MEGF11: variants seen among roughly 807,000 people sequenced by gnomAD.
MEGF11 encodes multiple EGF like domains 11.
In MEGF11, 126 loss-of-function variants were observed where a neutral mutation model predicts 146.6. The observed-to-expected ratio is 0.86, with a 90% confidence interval of 0.74 to 1.00. MEGF11 has a LOEUF of 1.00. Among genes scored for constraint, MEGF11 ranks in the 50% least tolerant of loss-of-function variants. The pLI is 0.00. For synonymous variants in MEGF11, 532 were observed against 583.4 expected (o/e 0.91, Z 1.27); for missense variants, 1,509 against 1,521.2 (o/e 0.99, Z 0.13).
intron 3 of MEGF11, among the ~76,000 whole-genome samples, chr15:66,123,063 G>A (rs1324089708): frequency 1.3e-5 from 2 of 152,180 alleles, no homozygotes; most frequent in African/African-American, 4.8e-5. Flanking sequence ...GATTTCAGGC[G>A]TGAGCCACCG....
chr15:65,906,862 C>G (rs2078645110), intron 23 of MEGF11, among the ~76,000 whole-genome samples: 1 of 152,224 alleles, frequency 6.6e-6, no homozygotes, highest in Non-Finnish European at 1.5e-5. Flanking sequence ...CCAAGGATTT[C>G]TTTCTACCTT....
chr15:66,021,931 AGAGCTG>A (rs2083149847), intron 5 of MEGF11, among the ~76,000 whole-genome samples: 1 of 152,208 alleles, frequency 6.6e-6, no homozygotes, highest in Admixed American at 6.5e-5. Flanking sequence ...ACTTGCGGCT[AGAGCTG>A]GGGGACAGGG....
chr15:65,983,553 A>T (rs2081738406), intron 5 of MEGF11, among the ~76,000 whole-genome samples: 1 of 152,224 alleles, frequency 6.6e-6, no homozygotes, highest in Admixed American at 6.5e-5. Flanking sequence ...GATTGCTCCC[A>T]GCTAAGGAGA....
At chr15:65,947,325 C>T (rs1228088586) in intron 10 of MEGF11, among the ~76,000 whole-genome samples, 2 of 152,098 alleles carry the variant, frequency 1.3e-5, no homozygotes, top group Admixed American at 6.5e-5. Context: ...CTAGCAGGAG[C>T]TTTCTTTGTT....
At chr15:65,986,793 CTTTTTTT>C (rs34991788) in intron 5 of MEGF11, among the ~76,000 whole-genome samples, 38 of 121,340 alleles carry the variant, frequency 3.1e-4, no homozygotes, top group Non-Finnish European at 3.7e-4. Flanking sequence ...CTGATTTTTC[CTTTTTTT>C]TTTTTTTTTT....
chr15:65,993,591 C>T (rs572718922), intron 5 of MEGF11, among the ~76,000 whole-genome samples: 20 of 152,328 alleles, frequency 1.3e-4, no homozygotes, highest in East Asian at 7.7e-4. Flanking sequence ...GCACCCTCCC[C>T]GACGTGGCCC....
intron 1 of MEGF11, among the ~76,000 whole-genome samples, chr15:66,252,602 C>T (rs1036868946): frequency 2.0e-5 from 3 of 152,196 alleles, no homozygotes; most frequent in African/African-American, 4.8e-5. Context: ...GCTCTGGGCA[C>T]CGCCACGCCG....
intron 13 of MEGF11, among the ~76,000 whole-genome samples, chr15:65,924,351 G>A (rs1278974137): frequency 6.7e-6 from 1 of 149,302 alleles, no homozygotes; most frequent in Non-Finnish European, 1.5e-5. Flanking sequence ...AAATGGTTGC[G>A]GGTGGGTAGG....
intron 13 of MEGF11, among the ~76,000 whole-genome samples, chr15:65,927,031 G>A (rs1184795525): frequency 6.6e-6 from 1 of 152,176 alleles, no homozygotes; most frequent in Non-Finnish European, 1.5e-5. Flanking sequence ...GCAACCTGGT[G>A]TTAATTATTT....
chr15:66,141,899 C>T (rs769638499), intron 1 of MEGF11, among the ~76,000 whole-genome samples: 1 of 152,056 alleles, frequency 6.6e-6, no homozygotes, highest in Non-Finnish European at 1.5e-5. Flanking sequence ...TGGGGATAGG[C>T]CTCAAAAGGG....
intron 7 of MEGF11, among the ~76,000 whole-genome samples, chr15:65,974,788 T>A (rs1567184710): frequency 6.6e-6 from 1 of 152,194 alleles, no homozygotes; most frequent in Non-Finnish European, 1.5e-5. Context: ...GAAGTCTTTC[T>A]GGCTTCTATC....
chr15:66,097,752 C>CA (rs59635353), intron 4 of MEGF11, among the ~76,000 whole-genome samples: 25,418 of 138,662 alleles, frequency 0.18, 2,386 homozygotes, highest in East Asian at 0.3. Context: ...CAAAAAACTA[C>CA]AAAAAAAAAA....
intron 19 of MEGF11, among the ~76,000 whole-genome samples, chr15:65,914,615 G>A (rs2141210478): frequency 6.6e-6 from 1 of 152,290 alleles, no homozygotes; most frequent in Admixed American, 6.5e-5. Flanking sequence ...CTTAGTCTAG[G>A]AGGCTGTCCT....
chr15:65,906,074 G>A lies in MEGF11; in HGVS notation c.3055+11C>T. The A allele has an allele frequency of 1.2e-6, 2 of 1,604,544 alleles. No individual in the cohort carries two copies. The highest frequency in any genetic ancestry group is 2.2e-5 in the South Asian group (2 of 89,484). ...CCCTCTGTAATAAGACAGCAGGATT[G>A]GATACTCTACCTTTGAAGCCTTTGT... On this transcript the variant is annotated intron_variant, in intron 24 of 25. Coordinates refer to ENST00000395614, the MANE Select transcript of MEGF11 (RefSeq NM_001385028.1).
rs557974813 is a variant in MEGF11 at position 66,201,989 on chromosome 15, C to A, written c.-9+51616G>T. 3.3e-4 allele frequency among the ~76,000 whole-genome samples: 49 copies of A among 148,428 alleles called. 1 individual carries two copies. The highest frequency in any genetic ancestry group is 1.1e-3 in the African/African-American group (42 of 39,868). ...AAAAAAAAAAAACCTGCCTCCAGACCTAGCTCTTGATCCCGGTGGGGTGGG... is the reference window on the plus strand; with the variant it reads ...AAAAAAAAAAAACCTGCCTCCAGACATAGCTCTTGATCCCGGTGGGGTGGG... On this transcript the variant is annotated intron_variant, in intron 1 of 25. Coordinates refer to ENST00000395614, the MANE Select transcript of MEGF11 (RefSeq NM_001385028.1).
chr15:66,108,268 G>A (rs890333700), intron 4 of MEGF11, among the ~76,000 whole-genome samples: 2 of 152,208 alleles, frequency 1.3e-5, no homozygotes, highest in African/African-American at 4.8e-5. Context: ...GAAAATGCCA[G>A]AAACCACAGC....
At chr15:66,078,326 G>T (rs2085680650) in intron 5 of MEGF11, among the ~76,000 whole-genome samples, 1 of 152,222 alleles carries the variant, frequency 6.6e-6, no homozygotes, top group African/African-American at 2.4e-5. Flanking sequence ...CTCCTCCACA[G>T]CCCTGCATCG....
chr15:65,904,378 T>C (rs771687129), intron 24 of MEGF11, among the ~76,000 whole-genome samples: 52 of 152,216 alleles, frequency 3.4e-4, no homozygotes, highest in Non-Finnish European at 6.9e-4. Context: ...CACAGAAAAT[T>C]GCCAAAATAA....
At chr15:65,965,571 C>CCTTTCTTTCTTTCTTTCTTTCTTT (rs1185795809) in intron 8 of MEGF11, among the ~76,000 whole-genome samples, 5 of 66,606 alleles carry the variant, frequency 7.5e-5, no homozygotes, top group African/African-American at 2.3e-4. Context: ...CAGTGAGGTC[C>CCTTTCTTTCTTTCTTTCTTTCTTT]CTTTCTTTCT....
Sources: allele counts gnomAD v4.1 joint callset (sites outside exome capture counted in the v4.1 genomes callset), GRCh38; gene constraint gnomAD v4.1.1; transcripts MANE v1.5; gene names NCBI Gene and HGNC (gene_info 2026-07-23, HGNC 2026-07-21).